The following RORA variants were observed in gnomAD, a reference collection of about 807,000 sequenced individuals.
RORA encodes RAR related orphan receptor A.
A neutral mutation model predicts 69.5 loss-of-function variants in RORA; 7 were observed. The ratio of observed to expected loss-of-function variants is 0.10; its 90% CI spans 0.06 to 0.19. The LOEUF (loss-of-function observed/expected upper bound fraction) is 0.19. RORA is among the 10% of genes least tolerant of loss of function. RORA has a pLI of 1.00. For missense variants in RORA, 457 were observed against 663.0 expected (o/e 0.69, Z 3.41); for synonymous variants, 261 against 240.8 (o/e 1.08, Z -0.78).
intron 3 of RORA, among the ~76,000 whole-genome samples, chr15:60,521,039 A>G (rs2066147639): frequency 6.6e-6 from 1 of 152,274 alleles, no homozygotes; most frequent in Admixed American, 6.5e-5. Flanking sequence ...TGGTGCTGAA[A>G]GACTTTGAGA....
intron 1 of RORA, among the ~76,000 whole-genome samples, chr15:61,026,487 A>C (rs1413592060): frequency 2.6e-5 from 4 of 152,134 alleles, no homozygotes; most frequent in African/African-American, 9.7e-5. Context: ...GTGCAAAGTG[A>C]CTCTCAAGAA....
At chr15:61,068,035 A>G (rs2140576942) in intron 1 of RORA, among the ~76,000 whole-genome samples, 1 of 152,280 alleles carries the variant, frequency 6.6e-6, no homozygotes, top group South Asian at 2.1e-4. Context: ...TAGGTCTCTG[A>G]ACCAAAGCCA....
intron 1 of RORA, among the ~76,000 whole-genome samples, chr15:60,900,363 C>A (rs962186377): frequency 3.9e-5 from 6 of 152,214 alleles, no homozygotes; most frequent in African/African-American, 1.4e-4. Flanking sequence ...ACAAGTTACA[C>A]AGACTTCCTT....
intron 1 of RORA, among the ~76,000 whole-genome samples, chr15:60,826,761 CT>C (rs2072965684): frequency 1.6e-4 from 15 of 95,060 alleles, no homozygotes; most frequent in South Asian, 1.5e-3. Flanking sequence ...CTCTCTCTCT[CT>C]CTCCCTCTCT....
intron 1 of RORA, among the ~76,000 whole-genome samples, chr15:61,020,348 G>C (rs1161852032): frequency 6.6e-6 from 1 of 152,150 alleles, no homozygotes; most frequent in African/African-American, 2.4e-5. Context: ...CTTTGCCCCA[G>C]AAGTAGCTAG....
chr15:61,205,032 C>A (rs1303272301), intron 1 of RORA, among the ~76,000 whole-genome samples: 1 of 152,234 alleles, frequency 6.6e-6, no homozygotes, highest in Non-Finnish European at 1.5e-5. Flanking sequence ...TGGGCCAAAT[C>A]CTGCCCCAAA....
At chr15:60,908,006 T>C (rs555638369) in intron 1 of RORA, among the ~76,000 whole-genome samples, 1 of 152,362 alleles carries the variant, frequency 6.6e-6, no homozygotes, top group East Asian at 1.9e-4. Flanking sequence ...TGTGAGGCTG[T>C]GCATGGGGTC....
intron 1 of RORA, among the ~76,000 whole-genome samples, chr15:60,839,498 A>G (rs556097065): frequency 6.6e-6 from 1 of 152,338 alleles, no homozygotes; most frequent in East Asian, 1.9e-4. Context: ...TAAATACCTC[A>G]CAGAAAGCCA....
At chr15:60,838,446 G>A (rs1397125435) in intron 1 of RORA, among the ~76,000 whole-genome samples, 1 of 152,128 alleles carries the variant, frequency 6.6e-6, no homozygotes. Flanking sequence ...CAAGCAGACA[G>A]GCAGCAGGTC....
At chr15:61,142,049 C>G (rs1233298507) in intron 1 of RORA, among the ~76,000 whole-genome samples, 6 of 150,700 alleles carry the variant, frequency 4.0e-5, no homozygotes, top group African/African-American at 1.5e-4. Context: ...GGAACTAAGA[C>G]AGCAGTTACC....
At chr15:60,793,525 T>C (rs1008883031) in intron 1 of RORA, among the ~76,000 whole-genome samples, 2 of 141,782 alleles carry the variant, frequency 1.4e-5, no homozygotes, top group African/African-American at 5.2e-5. Flanking sequence ...TTTCAATATA[T>C]TGATGCTGGA....
chr15:61,112,376 GGA>G (rs1595998814), intron 1 of RORA, among the ~76,000 whole-genome samples: 1 of 152,156 alleles, frequency 6.6e-6, no homozygotes, highest in Non-Finnish European at 1.5e-5. Context: ...CAGGAAAGAG[GGA>G]GAGTAGGAGA....
intron 1 of RORA, among the ~76,000 whole-genome samples, chr15:60,762,878 C>A (rs1420467508): frequency 6.6e-6 from 1 of 152,038 alleles, no homozygotes; most frequent in Non-Finnish European, 1.5e-5. Context: ...ACTTCCGCTA[C>A]CTGATTCTTG....
At chr15:61,008,167 G>C (rs148007584) in intron 1 of RORA, among the ~76,000 whole-genome samples, 15 of 151,278 alleles carry the variant, frequency 9.9e-5, no homozygotes, top group African/African-American at 3.6e-4. Flanking sequence ...GGATAAACAT[G>C]TGGAGGTATA....
At chr15:61,155,359 A>G (rs1448549629) in intron 1 of RORA, among the ~76,000 whole-genome samples, 1 of 152,236 alleles carries the variant, frequency 6.6e-6, no homozygotes, top group African/African-American at 2.4e-5. Context: ...TTCTATAGCT[A>G]AAGAAAAGAT....
At chr15:60,614,260 G>A (rs954391375) in intron 2 of RORA, among the ~76,000 whole-genome samples, 12 of 152,108 alleles carry the variant, frequency 7.9e-5, no homozygotes, top group African/African-American at 2.4e-4. Context: ...CCTCCTAATC[G>A]CACAGAGGAA....
intron 1 of RORA, among the ~76,000 whole-genome samples, chr15:61,076,785 G>A (rs2078456029): frequency 6.6e-6 from 1 of 152,218 alleles, no homozygotes; most frequent in African/African-American, 2.4e-5. Flanking sequence ...GGATCTGACA[G>A]CAGGCATGGC....
At chr15:60,656,330 T>A (rs537995958) in intron 2 of RORA, among the ~76,000 whole-genome samples, 8 of 152,180 alleles carry the variant, frequency 5.3e-5, no homozygotes, top group Non-Finnish European at 1.2e-4. Flanking sequence ...CATTATGTAA[T>A]GGTACAGCGA....
chr15:60,718,602 T>C (rs568631272), intron 1 of RORA, among the ~76,000 whole-genome samples: 1 of 152,340 alleles, frequency 6.6e-6, no homozygotes, highest in South Asian at 2.1e-4. Flanking sequence ...TGTCACCATG[T>C]TGCAAACTGA....
Sources: gnomAD v4.1 joint callset for allele counts (sites outside exome capture counted in the v4.1 genomes callset) on GRCh38, gnomAD v4.1.1 for gene constraint, MANE v1.5 for transcripts, NCBI Gene and HGNC (gene_info 2026-07-23, HGNC 2026-07-21) for gene names.